SIRPD: variants seen among roughly 807,000 people sequenced by gnomAD.
SIRPD encodes signal regulatory protein delta.
Under a neutral mutation model 18.0 loss-of-function variants are expected in SIRPD, and 21 were observed. The observed-to-expected ratio is 1.17, with a 90% CI of 0.83 to 1.68. The LOEUF (loss-of-function observed/expected upper bound fraction) is 1.68. Ranked by LOEUF, SIRPD falls within the 40% of genes most tolerant of loss-of-function variation. The pLI is 0.00. For missense variants in SIRPD, 295 were observed against 238.4 expected (o/e 1.24, Z -1.56); for synonymous variants, 106 against 92.9 (o/e 1.14, Z -0.81).
At chr20:1,556,753 A>G (rs2091042945) in intron 1 of SIRPD, among the ~76,000 whole-genome samples, 1 of 152,248 alleles carries the variant, frequency 6.6e-6, no homozygotes, top group African/African-American at 2.4e-5. Context: ...CTAGAAGCTC[A>G]GAGACAGACA....
At chr20:1,538,212 T>A (rs1248527411) in intron 2 of SIRPD, among the ~76,000 whole-genome samples, 1 of 152,044 alleles carries the variant, frequency 6.6e-6, no homozygotes, top group Non-Finnish European at 1.5e-5. Context: ...GCTGACCGGA[T>A]GTTGGTGATG....
chr20:1,537,366 G>A lies in SIRPD; in HGVS notation c.422-56C>T, dbSNP rs1371547031. The A allele has an allele frequency of 2.6e-6, 4 of 1,550,972 alleles. No individual in the cohort carries two copies. In the African/African-American group the frequency reaches 4.1e-5, roughly 16 times the overall value. On this transcript the variant is annotated intron_variant, in intron 2 of 3. Transcript: ENST00000381623. ...TGATATAAGAGGAAGTTACTATGATGGGAGGAAAGGGCTGTAGGATTATGA... is the reference window on the plus strand; with the variant it reads ...TGATATAAGAGGAAGTTACTATGATAGGAGGAAAGGGCTGTAGGATTATGA...
chr20:1,541,197 C>A (rs2090969599), intron 2 of SIRPD, among the ~76,000 whole-genome samples: 1 of 152,152 alleles, frequency 6.6e-6, no homozygotes, highest in Non-Finnish European at 1.5e-5. Flanking sequence ...GTTCTAGATC[C>A]TTGAGGAATC....
intron 2 of SIRPD, among the ~76,000 whole-genome samples, chr20:1,547,357 G>T (rs1190778753): frequency 6.6e-6 from 1 of 152,150 alleles, no homozygotes; most frequent in African/African-American, 2.4e-5. Context: ...TGGTCTATAG[G>T]TCTATCCTGT....
At chr20:1,535,829 C>G (rs2090942856) in intron 3 of SIRPD, among the ~76,000 whole-genome samples, 1 of 152,114 alleles carries the variant, frequency 6.6e-6, no homozygotes, top group African/African-American at 2.4e-5. Context: ...GTAAAACTTC[C>G]TCTTGCAATT....
rs528641368 is a variant in SIRPD at position 1,551,004 on chromosome 20, T to C, written c.421+687A>G. On this transcript the variant is annotated intron_variant, in intron 2 of 3. Coordinates refer to ENST00000381623, the MANE Select transcript of SIRPD (RefSeq NM_178460.3). The stretch of plus-strand genomic sequence containing the variant: ...GATGCAGGGAAACATAGATTTGTAC[T>C]TGCAGTTCAACACACTACAACACAC... Among the ~76,000 whole-genome samples, 28 of 152,364 alleles carry C rather than the reference T, an allele frequency of 1.8e-4. No individual in the cohort carries two copies. The South Asian group carries it at 5.6e-3, about 30-fold the overall frequency.
chr20:1,536,402 G>GT lies in SIRPD; in HGVS notation c.577+752dup, dbSNP rs11340259. On this transcript the variant is annotated intron_variant, in intron 3 of 3. Coordinates refer to ENST00000381623, the MANE Select transcript of SIRPD (RefSeq NM_178460.3). ...ACTTGCATTTGAACCCCGGCCTGTCGTTTTTTTTTTTTTTTTTAATGCCTG... is the reference window on the plus strand; with the variant it reads ...ACTTGCATTTGAACCCCGGCCTGTCGTTTTTTTTTTTTTTTTTTAATGCCTG... 5.4e-3 allele frequency among the ~76,000 whole-genome samples: 735 copies of GT among 137,226 alleles called. 9 individuals carry two copies. Among genetic ancestry groups the GT allele is most frequent in the African/African-American group, 0.019 (693 of 36,990 alleles). The allele number at this position is 137,226 out of a possible 152,430, so 90.0% of individuals were successfully genotyped here.
chr20:1,535,241 C>T (rs1290152260), intron 3 of SIRPD, among the ~76,000 whole-genome samples: 6 of 152,060 alleles, frequency 3.9e-5, no homozygotes, highest in South Asian at 2.1e-4. Context: ...GTTAAAAGTT[C>T]GATGTATCTA....
chr20:1,542,408 T>C (rs1717920880), intron 2 of SIRPD, among the ~76,000 whole-genome samples: 1 of 152,192 alleles, frequency 6.6e-6, no homozygotes, highest in South Asian at 2.1e-4. Context: ...CAATTGTGAA[T>C]GGGAGTTCAC....
chr20:1,555,883 C>G (rs753465323), intron 1 of SIRPD, among the ~76,000 whole-genome samples: 17 of 152,198 alleles, frequency 1.1e-4, no homozygotes, highest in Non-Finnish European at 2.5e-4. Context: ...AAGCTCCACT[C>G]AAGGTGCCAG....
chr20:1,544,951 C>T (rs2090987362), intron 2 of SIRPD, among the ~76,000 whole-genome samples: 1 of 152,162 alleles, frequency 6.6e-6, no homozygotes, highest in African/African-American at 2.4e-5. Flanking sequence ...TCCTCACTCT[C>T]TTCTGGCTTG....
intron 1 of SIRPD, among the ~76,000 whole-genome samples, chr20:1,553,332 C>T (rs1158207531): frequency 6.6e-6 from 1 of 152,126 alleles, no homozygotes; most frequent in Non-Finnish European, 1.5e-5. Flanking sequence ...TATCAGGTCC[C>T]CATCACATTC....
At chr20:1,542,624 C>T (rs143355788) in intron 2 of SIRPD, among the ~76,000 whole-genome samples, 3 of 152,142 alleles carry the variant, frequency 2.0e-5, no homozygotes, top group Admixed American at 6.5e-5. Flanking sequence ...TTTGAATACC[C>T]TTTATTTCTT....
chr20:1,541,341 G>C (rs2090970248), intron 2 of SIRPD, among the ~76,000 whole-genome samples: 1 of 152,220 alleles, frequency 6.6e-6, no homozygotes, highest in African/African-American at 2.4e-5. Context: ...TAACTGGCCT[G>C]AGATGGTATC....
chr20:1,551,074 T>C (rs1049146092), intron 2 of SIRPD, among the ~76,000 whole-genome samples: 2 of 152,204 alleles, frequency 1.3e-5, no homozygotes, highest in Non-Finnish European at 2.9e-5. Flanking sequence ...CTTAGGACAT[T>C]GTTGATTTAA....
Position 1,548,949 on chromosome 20 carries a change from G to A in SIRPD, c.421+2742C>T, listed in dbSNP as rs186917334. 8.9e-4 allele frequency among the ~76,000 whole-genome samples: 135 copies of A among 151,832 alleles called. 1 individual carries two copies. The Middle Eastern group carries it at 0.01, about 11-fold the overall frequency. ...TGTTTTCTCTTTCTCCTCTCCTTCT[G>A]CTATCCCTATTACATGTATGCGGTG... is the stretch of plus-strand genomic sequence containing the variant. On this transcript the variant is annotated intron_variant, in intron 2 of 3. Transcript: ENST00000381623.
chr20:1,534,253 G>T lies in SIRPD; in HGVS notation c.*172C>A. The T allele has an allele frequency of 3.6e-6, 3 of 838,780 alleles. No individual in the cohort carries two copies. The highest frequency in any genetic ancestry group is 5.6e-6 in the Non-Finnish European group (3 of 537,490). 52.0% of individuals were successfully genotyped at this position (838,780 alleles called of 1,614,324 possible). ...GAAACAGAAGAGAGAACCTGGAATT[G>T]GACCCAGGTAAATAGACAGATTTAT... On this transcript the variant is annotated 3_prime_UTR_variant, in exon 4 of 4. Transcript: ENST00000381623.
chr20:1,557,671 C>T lies in SIRPD; in HGVS notation c.-18G>A, dbSNP rs777987968. Reference sequence around the variant, plus strand: ...ATGGGCATTGTGGTGAAACCTGGAGCTTGCTCTGCCTGAATGCCTGTCCTG... The same window carrying T: ...ATGGGCATTGTGGTGAAACCTGGAGTTTGCTCTGCCTGAATGCCTGTCCTG... On this transcript the variant is annotated 5_prime_UTR_variant, in exon 1 of 4. Coordinates refer to ENST00000381623, the MANE Select transcript of SIRPD (RefSeq NM_178460.3). 5.0e-6 allele frequency: 8 copies of T among 1,610,334 alleles called. No homozygotes were observed. Among genetic ancestry groups the T allele is most frequent in the Non-Finnish European group, 5.1e-6 (6 of 1,178,196 alleles).
chr20:1,548,474 T>A (rs2091004016), intron 2 of SIRPD, among the ~76,000 whole-genome samples: 1 of 152,206 alleles, frequency 6.6e-6, no homozygotes, highest in African/African-American at 2.4e-5. Context: ...TTGGTCAACA[T>A]GAATAATGCT....
Sources: gnomAD v4.1 joint callset for allele counts (sites outside exome capture counted in the v4.1 genomes callset) on GRCh38, gnomAD v4.1.1 for gene constraint, MANE v1.5 for transcripts, NCBI Gene and HGNC (gene_info 2026-07-23, HGNC 2026-07-21) for gene names.